SEC31B: variants seen among roughly 807,000 people sequenced by gnomAD.
The protein encoded by SEC31B is protein transport protein Sec31B.
Under a neutral mutation model 135.0 loss-of-function variants are expected in SEC31B, and 113 were observed. The observed-to-expected ratio is 0.84, with a 90% confidence interval of 0.72 to 0.98. The LOEUF (loss-of-function observed/expected upper bound fraction) is 0.98, where lower values mean the gene tolerates loss of function less well. SEC31B is among the 50% of genes least tolerant of loss of function. SEC31B has a pLI of 0.00. For missense variants in SEC31B, 1,296 were observed against 1,421.1 expected, an observed-to-expected ratio of 0.91 and a Z score of 1.42; for synonymous variants, 508 against 549.4, an observed-to-expected ratio of 0.92 and a Z score of 1.05.
In SEC31B at chr10:100,496,364, C is replaced by T. The variant is rs1423319823; in HGVS notation, c.2204G>A (p.Ser735Asn). Residue 735 changes from serine to asparagine, a missense_variant, in exon 18 of 26, where the codon AGC becomes AAC. Ser to Asn is a conservative substitution (Grantham distance 46). Transcript: ENST00000370345. ...LEQLRGPHGV[S>N]PGPATTYRVT... ...CCTGTAGGTTGTGGCAGGGCCTGGG[C>T]TCACCCCATGAGGACCCCGCAGTTG... The T allele has an allele frequency of 3.7e-6, 6 of 1,614,192 alleles. No homozygotes were observed. Among genetic ancestry groups the T allele is most frequent in the African/African-American group, 1.3e-5 (1 of 75,034 alleles).
At chr10:100,490,644 T>C in intron 20 of SEC31B, 62 bp downstream of exon 20, 6 of 1,452,866 alleles carry the variant, frequency 4.1e-6, no homozygotes, top group Non-Finnish European at 4.6e-6. Flanking sequence ...ATGCTGGCCA[T>C]GCCAATTGCT....
At chr10:100,515,450 G>C (rs1239421287) in intron 3 of SEC31B, among the ~76,000 whole-genome samples, 1 of 152,136 alleles carries the variant, frequency 6.6e-6, no homozygotes. Context: ...TAGAAGAAGG[G>C]CAGAATGATG....
chr10:100,496,532 G>T, intron 17 of SEC31B, 101 bp from the exon 18 acceptor site: 1 of 1,246,712 alleles, frequency 8.0e-7, no homozygotes, highest in Non-Finnish European at 1.1e-6. Context: ...GGGTACAGAT[G>T]AGGGCACCTG....
intron 15 of SEC31B, 31 bp downstream of exon 15, chr10:100,497,998 T>C: frequency 6.2e-7 from 1 of 1,612,552 alleles, no homozygotes; most frequent in South Asian, 1.1e-5. Context: ...AGTAATCCCC[T>C]CCCTTCTTCT....
chr10:100,488,405 G>C (rs896091481), intron 24 of SEC31B, among the ~76,000 whole-genome samples: 1 of 147,616 alleles, frequency 6.8e-6, no homozygotes, highest in Non-Finnish European at 1.5e-5. Context: ...CTTGCAGTGA[G>C]CCGAGATCGC....
At chr10:100,508,857 G>T in intron 5 of SEC31B, 150 bp downstream of exon 5, 1 of 649,372 alleles carries the variant, frequency 1.5e-6, no homozygotes, top group Non-Finnish European at 2.7e-6. Flanking sequence ...ACTCTTATCT[G>T]GCTGGTAGCA....
intron 7 of SEC31B, 168 bp from the exon 8 acceptor site, chr10:100,506,588 TA>T (rs1213288957): frequency 3.1e-6 from 2 of 650,084 alleles, no homozygotes; most frequent in African/African-American, 3.6e-5. Context: ...TTTGAAAAAT[TA>T]AGTAACTTTC....
chr10:100,519,427 C>T (rs1449260972), intron 1 of SEC31B, among the ~76,000 whole-genome samples: 3 of 152,250 alleles, frequency 2.0e-5, no homozygotes, highest in South Asian at 2.1e-4. Flanking sequence ...AAGCGCGGCG[C>T]GCCAGGGTCA....
In SEC31B at chr10:100,509,050, A is replaced by G. The variant is rs752704999; in HGVS notation, c.452T>C (p.Leu151Pro). The change falls in exon 5 of 26, where the codon CTG (leucine) becomes CCG (proline). Residue 151 changes from leucine to proline, a missense_variant. Leu to Pro is a moderately conservative substitution (Grantham distance 98). Coordinates refer to ENST00000370345, the MANE Select transcript of SEC31B (RefSeq NM_015490.4). Reference protein sequence around the residue: ...ASDSEIFIWDLNNLNVPMTLG... With the variant: ...ASDSEIFIWDPNNLNVPMTLG... ...GGTCATTGGCACATTCAAGTTATTC[A>G]GATCCCAAATGAAGATTTCAGAATC... is the stretch of plus-strand genomic sequence containing the variant. 4.6e-5 allele frequency: 75 copies of G among 1,614,178 alleles called. No homozygotes were observed. The East Asian group carries it at 1.6e-3, about 35-fold the overall frequency.
In SEC31B at chr10:100,498,190, T is replaced by G; in HGVS notation, c.1702A>C (p.Ser568Arg). Residue 568 changes from serine to arginine, a missense_variant, in exon 15 of 26, where the codon AGC (serine) becomes CGC (arginine). Transcript: ENST00000370345. The stretch of plus-strand genomic sequence containing the variant: ...AGTTCCCCAAGCAGGAGAGCCTGGC[T>G]TAGGAGTCCATCAATATCTGCAGGC... The part of the protein sequence containing the change: ...PITKDIDGLL[S>R]QALLLGELGP... The G allele has an allele frequency of 1.9e-6, 3 of 1,614,166 alleles. No individual in the cohort carries two copies. Among genetic ancestry groups the G allele is most frequent in the Non-Finnish European group, 2.5e-6 (3 of 1,180,022 alleles).
chr10:100,499,494 T>C (rs767558642), intron 12 of SEC31B, 30 bp downstream of exon 12: 2 of 1,540,338 alleles, frequency 1.3e-6, no homozygotes, highest in Admixed American at 3.5e-5. Flanking sequence ...CTTCAACAAG[T>C]ACATGTTTCT....
intron 18 of SEC31B, 30 bp from the exon 19 acceptor site, chr10:100,495,576 C>A: frequency 6.3e-7 from 1 of 1,598,836 alleles, no homozygotes; most frequent in South Asian, 1.1e-5. Context: ...AGAGCTGTGT[C>A]AAGAAATTAA....
rs1851277486 is a variant in SEC31B, at chr10:100,490,331, G to C, written c.2651-9C>G. ...CTGTGGCTGAGATGAAGCTGAAGCA[G>C]AACAGAAATAGGTCATTTGTCACTA... On this transcript the variant is annotated splice_polypyrimidine_tract_variant and intron_variant, in intron 20 of 25. Transcript: ENST00000370345. 5 of 1,609,038 alleles carry C rather than the reference G, an allele frequency of 3.1e-6. No homozygotes were observed. Among genetic ancestry groups the C allele is most frequent in the East Asian group, 4.5e-5 (2 of 44,710 alleles).
chr10:100,496,309 G>C lies in SEC31B; in HGVS notation c.2259C>G (p.Ala753=). The change falls in exon 18 of 26, where the codon GCC becomes GCG. Residue 753 remains alanine, a synonymous_variant. Transcript: ENST00000370345. The part of the protein sequence containing the change: ...RVTQYANLLA[A]QGSLATAMSF... ...TCATGGCAGTGGCCAGGCTGCCCTG[G>C]GCTGCCAGGAGGTTGGCATACTGAG... 1 of 1,614,200 alleles carries C rather than the reference G, an allele frequency of 6.2e-7. No homozygotes were observed. The highest frequency in any genetic ancestry group is 1.1e-5 in the South Asian group (1 of 91,084).
chr10:100,515,343 T>C (rs1020348172), intron 3 of SEC31B, among the ~76,000 whole-genome samples: 4 of 152,184 alleles, frequency 2.6e-5, no homozygotes, highest in African/African-American at 9.7e-5. Flanking sequence ...ATATTGAATA[T>C]ATAACTTGAG....
intron 16 of SEC31B, 156 bp downstream of exon 16, chr10:100,497,511 G>A: frequency 6.6e-7 from 1 of 1,513,262 alleles, no homozygotes; most frequent in Non-Finnish European, 8.8e-7. Context: ...GGCATGCACT[G>A]TGGTCCCTGC....
intron 2 of SEC31B, 58 bp from the exon 3 acceptor site, chr10:100,516,277 A>C (rs1202800192): frequency 6.3e-7 from 1 of 1,584,824 alleles, no homozygotes; most frequent in Non-Finnish European, 8.6e-7. Context: ...TTCAGGTATA[A>C]GAAGGTTAAG....
In SEC31B at chr10:100,490,071, C is replaced by T. The variant is rs199706943; in HGVS notation, c.2902G>A (p.Gly968Arg). ...PASFPVPYLP[G>R]DPGAPCSSVL... ...CTAGAGCATGGGGCACCTGGGTCCC[C>T]TGGAAGGTATGGCACAGGGAAGCTT... Residue 968 changes from glycine (G) to arginine (R), a missense_variant, in exon 21 of 26, where the codon GGG (glycine) becomes AGG (arginine). Gly to Arg is a moderately radical substitution (Grantham distance 125). Coordinates refer to ENST00000370345, the MANE Select transcript of SEC31B (RefSeq NM_015490.4). 6.4e-7 allele frequency: 1 copy of T among 1,569,658 alleles called. No homozygotes were observed. Among genetic ancestry groups the T allele is most frequent in the East Asian group, 2.2e-5 (1 of 44,674 alleles).
intron 22 of SEC31B, 26 bp from the exon 23 acceptor site, chr10:100,489,424 A>G (rs1851256371): frequency 2.5e-6 from 4 of 1,611,664 alleles, no homozygotes; most frequent in Non-Finnish European, 3.4e-6. Context: ...GAAAGACATG[A>G]GTCTAACCTG....
Sources: allele counts gnomAD v4.1 joint callset (sites outside exome capture counted in the v4.1 genomes callset), GRCh38; gene constraint gnomAD v4.1.1; transcripts MANE v1.5; gene names NCBI Gene and HGNC (gene_info 2026-07-23, HGNC 2026-07-21).